The following FGF14 variants were observed in gnomAD, a reference collection of about 807,000 sequenced individuals.
The protein encoded by FGF14 is fibroblast growth factor homologous factor 4.
Under a neutral mutation model 25.5 loss-of-function variants are expected in FGF14, and 5 were observed. The ratio of observed to expected loss-of-function variants is 0.20; its 90% CI spans 0.10 to 0.41. The LOEUF is 0.41. Ranked by LOEUF, FGF14 falls within the 10% of genes least tolerant of loss-of-function variation. The pLI, the probability that FGF14 is intolerant of heterozygous loss-of-function variation, is 1.00. For synonymous variants in FGF14, 138 were observed against 118.3 expected (o/e 1.17, Z -1.08); for missense variants, 222 against 320.1 (o/e 0.69, Z 2.34).
intron 1 of FGF14, among the ~76,000 whole-genome samples, chr13:102,107,991 T>C (rs1312274803): frequency 2.0e-5 from 3 of 152,264 alleles, no homozygotes; most frequent in Non-Finnish European, 2.9e-5. Context: ...TCTAATGAAT[T>C]ATGTGAATAT....
chr13:102,151,414 A>G (rs2047078852), intron 1 of FGF14, among the ~76,000 whole-genome samples: 1 of 152,102 alleles, frequency 6.6e-6, no homozygotes, highest in Non-Finnish European at 1.5e-5. Context: ...CTTATTTTAA[A>G]AGCCCCCTAC....
intron 1 of FGF14, among the ~76,000 whole-genome samples, chr13:102,352,216 AAAC>A (rs974140014): frequency 4.0e-5 from 6 of 150,438 alleles, no homozygotes; most frequent in African/African-American, 1.5e-4. Flanking sequence ...TAAAATACCC[AAAC>A]AACCACAATA....
intron 1 of FGF14, among the ~76,000 whole-genome samples, chr13:101,906,046 T>G (rs1398482862): frequency 6.6e-6 from 1 of 152,162 alleles, no homozygotes; most frequent in Admixed American, 6.5e-5. Flanking sequence ...TCCCTACACT[T>G]TCCTTTAATT....
At chr13:102,187,991 T>G (rs1280695757) in intron 1 of FGF14, among the ~76,000 whole-genome samples, 1 of 152,232 alleles carries the variant, frequency 6.6e-6, no homozygotes, top group African/African-American at 2.4e-5. Context: ...AGAAGCTGAT[T>G]TATTGAATTC....
rs2031694542 is a variant in FGF14 at position 101,902,481 on chromosome 13, T to A, written c.193+13972A>T. 2.6e-5 allele frequency among the ~76,000 whole-genome samples: 4 copies of A among 152,202 alleles called. No homozygotes were observed. In the South Asian group the frequency reaches 8.3e-4, roughly 31 times the overall value. On this transcript the variant is annotated intron_variant, in intron 1 of 4. Transcript: ENST00000376143. ...AAATACCATGCCAATATATGCAGTT[T>A]ACAGCCCACCCCATTTTTCCTCATG... is the stretch of plus-strand genomic sequence containing the variant.
rs188800005 is a variant in FGF14, at chr13:102,152,704, T to A, written c.208+248767A>T. Among the ~76,000 whole-genome samples the A allele has an allele frequency of 1.9e-3, 284 of 152,246 alleles. 1 individual carries two copies. The highest frequency in any genetic ancestry group is 6.5e-3 in the African/African-American group (269 of 41,532). On this transcript the variant is annotated intron_variant, in intron 1 of 4. Coordinates refer to the FGF14 transcript ENST00000376131. ...AAACCACAATGCCCAAACAGAAAGA[T>A]CTTTTTGGAGTTATGCCATGTTCCG...
intron 1 of FGF14, among the ~76,000 whole-genome samples, chr13:101,915,162 T>C (rs994054453): frequency 2.6e-5 from 4 of 152,214 alleles, no homozygotes; most frequent in South Asian, 2.1e-4. Flanking sequence ...AGCTTGATAG[T>C]AAGAGCAAGT....
At chr13:102,333,884 A>AG (rs1461054791) in intron 1 of FGF14, among the ~76,000 whole-genome samples, 1 of 152,150 alleles carries the variant, frequency 6.6e-6, no homozygotes, top group Admixed American at 6.6e-5. Context: ...TGACGACTGA[A>AG]GGGTGCATGC....
At chr13:102,185,837 T>C (rs2048852106) in intron 1 of FGF14, among the ~76,000 whole-genome samples, 2 of 152,182 alleles carry the variant, frequency 1.3e-5, no homozygotes, top group African/African-American at 4.8e-5. Context: ...ACAGCATTAC[T>C]GCGATGATAT....
At chr13:101,781,961 A>G (rs1029243508) in intron 3 of FGF14, among the ~76,000 whole-genome samples, 2 of 152,230 alleles carry the variant, frequency 1.3e-5, no homozygotes, top group African/African-American at 4.8e-5. Flanking sequence ...ACTTCCCTTG[A>G]ATAAAGGTAT....
At chr13:102,345,303 C>T (rs542808945) in intron 1 of FGF14, among the ~76,000 whole-genome samples, 1 of 152,342 alleles carries the variant, frequency 6.6e-6, no homozygotes, top group South Asian at 2.1e-4. Context: ...CAAGCACATA[C>T]ATCTTACAGC....
intron 1 of FGF14, among the ~76,000 whole-genome samples, chr13:102,144,465 A>C (rs1319771043): frequency 1.3e-5 from 2 of 152,090 alleles, no homozygotes; most frequent in African/African-American, 4.8e-5. Context: ...CATCAAATTT[A>C]TATTAAATGT....
At chr13:101,766,025 G>A (rs931989548) in intron 3 of FGF14, among the ~76,000 whole-genome samples, 1 of 152,082 alleles carries the variant, frequency 6.6e-6, no homozygotes, top group African/African-American at 2.4e-5. Context: ...CACTGTGCCT[G>A]GCCAGCCTTT....
At position 102,378,589 on chromosome 13, in the gene FGF14, ATATCTATATC is replaced by A. The variant is rs1382420426; in HGVS notation, c.208+22872_208+22881del. Among the ~76,000 whole-genome samples, 651 of 144,164 alleles carry A rather than the reference ATATCTATATC, an allele frequency of 4.5e-3. 8 individuals are homozygous for A. Among genetic ancestry groups the A allele is most frequent in the African/African-American group, 0.016 (620 of 38,864 alleles). 94.6% of individuals were successfully genotyped at this position (144,164 alleles called of 152,430 possible). Reference sequence around the variant, plus strand: ...AGGTTTTACATTAAGTATGTTATATATATCTATATCTATCTATCTATCTATCTATCTATCT... The same window carrying A: ...AGGTTTTACATTAAGTATGTTATATATATCTATCTATCTATCTATCTATCT... On this transcript the variant is annotated intron_variant, in intron 1 of 4. Coordinates refer to the FGF14 transcript ENST00000376131.
intron 1 of FGF14, among the ~76,000 whole-genome samples, chr13:101,929,364 G>A (rs2034591276): frequency 6.6e-6 from 1 of 152,174 alleles, no homozygotes; most frequent in South Asian, 2.1e-4. Context: ...TCAAAATAGA[G>A]GAACCCTGAG....
At chr13:101,798,424 T>G (rs1298611031) in intron 3 of FGF14, among the ~76,000 whole-genome samples, 1 of 152,154 alleles carries the variant, frequency 6.6e-6, no homozygotes, top group East Asian at 1.9e-4. Context: ...TAGTTTGAGA[T>G]TAAAATAGCT....
intron 1 of FGF14, among the ~76,000 whole-genome samples, chr13:102,041,811 C>A (rs1396187999): frequency 6.6e-6 from 1 of 152,092 alleles, no homozygotes; most frequent in Non-Finnish European, 1.5e-5. Flanking sequence ...AGAGAACTAC[C>A]TATCTAGGTG....
chr13:102,230,438 A>G (rs572344029), intron 1 of FGF14, among the ~76,000 whole-genome samples: 9 of 152,272 alleles, frequency 5.9e-5, no homozygotes, highest in African/African-American at 2.2e-4. Flanking sequence ...ATTACAAAGT[A>G]AAATAAAAGG....
chr13:101,796,567 G>A (rs2040534138), intron 3 of FGF14, among the ~76,000 whole-genome samples: 1 of 151,938 alleles, frequency 6.6e-6, no homozygotes, highest in South Asian at 2.1e-4. Flanking sequence ...TCTTAAAGGG[G>A]CAATTAAAGA....
Sources: gnomAD v4.1 joint callset for allele counts (sites outside exome capture counted in the v4.1 genomes callset) on GRCh38, gnomAD v4.1.1 for gene constraint, MANE v1.5 for transcripts, NCBI Gene and HGNC (gene_info 2026-07-23, HGNC 2026-07-21) for gene names.